The following LRRIQ1 variants were observed in gnomAD, a reference collection of about 807,000 sequenced individuals.
LRRIQ1 encodes leucine rich repeats and IQ motif containing 1, also known as leucine-rich repeat- and IQ domain-containing protein 1.
LRRIQ1 carries 210 observed loss-of-function variants against 211.9 expected under a neutral mutation model. That is an observed-to-expected ratio of 0.99 (90% CI 0.89 to 1.11). LRRIQ1 has a LOEUF of 1.11. LRRIQ1 is among the 50% of genes most tolerant of loss of function. The pLI is 0.00. For synonymous variants in LRRIQ1, 699 were observed against 650.1 expected (o/e 1.08, Z -1.14); for missense variants, 2,136 against 1,939.5 (o/e 1.10, Z -1.90).
chr12:85,043,507 C>G (rs1879150261), intron 3 of LRRIQ1, among the ~76,000 whole-genome samples: 1 of 152,098 alleles, frequency 6.6e-6, no homozygotes, highest in Non-Finnish European at 1.5e-5. Flanking sequence ...TAGGGCTTCT[C>G]ATGATCTTTT....
intron 6 of LRRIQ1, among the ~76,000 whole-genome samples, chr12:85,051,383 T>C (rs1592701055): frequency 6.6e-6 from 1 of 152,326 alleles, no homozygotes; most frequent in East Asian, 1.9e-4. Context: ...AGCAACACAC[T>C]AATATAATTT....
chr12:85,231,745 TAACAAG>T (rs1894950993), intron 25 of LRRIQ1, among the ~76,000 whole-genome samples: 1 of 152,124 alleles, frequency 6.6e-6, no homozygotes. Context: ...TAATCCAGGC[TAACAAG>T]AACAAGAACG....
intron 19 of LRRIQ1, among the ~76,000 whole-genome samples, chr12:85,149,421 T>C (rs1432776289): frequency 6.6e-6 from 1 of 151,950 alleles, no homozygotes; most frequent in Non-Finnish European, 1.5e-5. Context: ...TTTTTCCCAT[T>C]GCTTATTTTT....
intron 11 of LRRIQ1, among the ~76,000 whole-genome samples, chr12:85,086,049 A>G (rs1459887871): frequency 6.6e-6 from 1 of 152,184 alleles, no homozygotes; most frequent in East Asian, 1.9e-4. Context: ...CGTTTTCACC[A>G]ATGGTGTATA....
rs772833824 is a variant in LRRIQ1, at chr12:85,124,353, G to A, written c.3841G>A (p.Ala1281Thr). ...CAGCCACTCCCCATTAAGCAAATCC[G>A]CCACATGTGAAAATATGGAAGGAAG... ...VSSHSPLSKSATCENMEGRHQ... is the reference protein window; with the variant it reads ...VSSHSPLSKSTTCENMEGRHQ... The change falls in exon 17 of 27, where the codon GCC (alanine) becomes ACC (threonine). Residue 1281 changes from alanine (A) to threonine (T), a missense_variant. Ala to Thr is a moderately conservative substitution (Grantham distance 58, BLOSUM62 0). Coordinates refer to ENST00000393217, the MANE Select transcript of LRRIQ1 (RefSeq NM_001079910.2). The A allele has an allele frequency of 2.1e-5, 34 of 1,613,998 alleles. No homozygotes were observed. Among genetic ancestry groups the A allele is most frequent in the East Asian group, 8.9e-5 (4 of 44,862 alleles).
intron 24 of LRRIQ1, among the ~76,000 whole-genome samples, chr12:85,199,565 A>C (rs545084382): frequency 6.6e-6 from 1 of 152,244 alleles, no homozygotes; most frequent in South Asian, 2.1e-4. Context: ...GCAATGAAGA[A>C]ATACCCGAGA....
At chr12:85,061,571 G>A (rs546028520) in intron 8 of LRRIQ1, among the ~76,000 whole-genome samples, 1 of 151,790 alleles carries the variant, frequency 6.6e-6, no homozygotes. Context: ...TTGTATAGTT[G>A]ATTGAAAGCA....
In LRRIQ1 at chr12:85,229,596, G is replaced by A. The variant is rs745325484; in HGVS notation, c.4902G>A (p.Trp1634Ter). The A allele has an allele frequency of 1.2e-6, 2 of 1,612,810 alleles. No homozygotes were observed. Among genetic ancestry groups the A allele is most frequent in the South Asian group, 2.2e-5 (2 of 90,912 alleles). ...LERNREYTYQ[W>*]LHTQVGVHET... ...GGAATAGAGAATATACATACCAATG[G>A]CTTCACACACAGGTTGGGGTTCATG... Residue 1634 changes from tryptophan to a stop codon, truncating the protein, a stop_gained, in exon 25 of 27, where the codon TGG (tryptophan) becomes TGA (stop). Transcript: ENST00000393217. LOFTEE classifies it high-confidence loss of function.
chr12:85,135,027 A>T (rs370027783), intron 18 of LRRIQ1, among the ~76,000 whole-genome samples: 1 of 152,030 alleles, frequency 6.6e-6, no homozygotes, highest in Non-Finnish European at 1.5e-5. Context: ...ATCACCAAAT[A>T]TCATATCAGT....
At chr12:85,169,624 T>C (rs1891315528) in intron 24 of LRRIQ1, among the ~76,000 whole-genome samples, 1 of 152,194 alleles carries the variant, frequency 6.6e-6, no homozygotes, top group Admixed American at 6.5e-5. Context: ...CAAATGGCTG[T>C]CTTATTGTTT....
intron 19 of LRRIQ1, among the ~76,000 whole-genome samples, chr12:85,146,891 G>A (rs1236680760): frequency 6.6e-6 from 1 of 151,680 alleles, no homozygotes; most frequent in African/African-American, 2.4e-5. Flanking sequence ...CCCAGGAATA[G>A]TCAGGATAGA....
At chr12:85,075,327 C>A (rs1368832645) in intron 11 of LRRIQ1, among the ~76,000 whole-genome samples, 1 of 152,024 alleles carries the variant, frequency 6.6e-6, no homozygotes, top group South Asian at 2.1e-4. Context: ...TTTATGCCTT[C>A]CTATAAAGAA....
intron 2 of LRRIQ1, among the ~76,000 whole-genome samples, chr12:85,039,831 A>G (rs1878653354): frequency 6.6e-6 from 1 of 151,624 alleles, no homozygotes; most frequent in Admixed American, 6.6e-5. Flanking sequence ...GATTATTATT[A>G]AAGTTGTTCC....
At chr12:85,162,761 A>G in intron 24 of LRRIQ1, 1 of 456,096 alleles carries the variant, frequency 2.2e-6, no homozygotes, top group South Asian at 1.5e-5. Context: ...CTTTCCCCCA[A>G]GTGAATTTTG....
At chr12:85,253,946 C>T (rs1191126741) in intron 1 of LRRIQ1, among the ~76,000 whole-genome samples, 1 of 151,814 alleles carries the variant, frequency 6.6e-6, no homozygotes, top group South Asian at 2.1e-4. Context: ...AAATCTAATC[C>T]CCAGTGTGGG....
At chr12:85,260,977 A>G (rs897390340) in intron 1 of LRRIQ1, among the ~76,000 whole-genome samples, 5 of 152,334 alleles carry the variant, frequency 3.3e-5, no homozygotes, top group South Asian at 2.1e-4. Flanking sequence ...TTGAAGGACT[A>G]CTGACTGATT....
At chr12:85,206,578 G>A (rs1419937261) in intron 24 of LRRIQ1, among the ~76,000 whole-genome samples, 2 of 152,080 alleles carry the variant, frequency 1.3e-5, no homozygotes, top group Non-Finnish European at 2.9e-5. Context: ...CAAAGCAATG[G>A]GGGTGAGGGG....
At chr12:85,165,187 G>C (rs201756407) in intron 24 of LRRIQ1, among the ~76,000 whole-genome samples, 1 of 152,032 alleles carries the variant, frequency 6.6e-6, no homozygotes, top group East Asian at 1.9e-4. Context: ...GGGCAGTTTT[G>C]TTAAATTGTG....
intron 24 of LRRIQ1, among the ~76,000 whole-genome samples, chr12:85,203,587 A>G (rs746327545): frequency 1.3e-5 from 2 of 152,136 alleles, no homozygotes; most frequent in Non-Finnish European, 2.9e-5. Context: ...GTGATCTCAG[A>G]TGGAGATGAG....
Sources: gnomAD v4.1 joint callset for allele counts (sites outside exome capture counted in the v4.1 genomes callset) on GRCh38, gnomAD v4.1.1 for gene constraint, MANE v1.5 for transcripts, NCBI Gene and HGNC (gene_info 2026-07-23, HGNC 2026-07-21) for gene names.